AGPAT3: variants seen among roughly 807,000 people sequenced by gnomAD.
AGPAT3 encodes the protein 1-acyl-sn-glycerol-3-phosphate acyltransferase gamma.
In AGPAT3, 5 loss-of-function variants were observed where a neutral mutation model predicts 47.3. That is an observed-to-expected ratio of 0.11 (90% CI 0.06 to 0.22). The LOEUF is 0.22. AGPAT3 is among the 10% of genes least tolerant of loss of function. The pLI, the probability that AGPAT3 is intolerant of heterozygous loss-of-function variation, is 1.00. For missense variants in AGPAT3, 315 were observed against 493.0 expected, an observed-to-expected ratio of 0.64 and a Z score of 3.42; for synonymous variants, 212 against 208.3, an observed-to-expected ratio of 1.02 and a Z score of -0.15.
chr21:43,907,067 T>C lies in AGPAT3; in HGVS notation c.-49+3048T>C, dbSNP rs1352670165. Among the ~76,000 whole-genome samples, 2 of 149,758 alleles carry C rather than the reference T, an allele frequency of 1.3e-5. 1 individual carries two copies. Among genetic ancestry groups the C allele is most frequent in the Non-Finnish European group, 3.0e-5 (2 of 67,398 alleles). ...TTTTTTTTGAGAGGGGGTCTCTCTC[T>C]GTCTCCCAGGCTGGAGCTCAATGAC... On this transcript the variant is annotated intron_variant, in intron 2 of 9. Coordinates refer to ENST00000291572, the MANE Select transcript of AGPAT3 (RefSeq NM_020132.5).
At chr21:43,901,616 G>A (rs1198495218) in intron 1 of AGPAT3, among the ~76,000 whole-genome samples, 1 of 151,908 alleles carries the variant, frequency 6.6e-6, no homozygotes, top group Non-Finnish European at 1.5e-5. Flanking sequence ...GTACAGAAAA[G>A]TACAAAAATT....
At chr21:43,870,261 G>C (rs2085594981) in intron 1 of AGPAT3, among the ~76,000 whole-genome samples, 1 of 152,156 alleles carries the variant, frequency 6.6e-6, no homozygotes, top group Non-Finnish European at 1.5e-5. Flanking sequence ...GTTATTTTCA[G>C]TTTTCTAAAT....
chr21:43,890,359 A>G (rs991659087), intron 1 of AGPAT3, among the ~76,000 whole-genome samples: 3 of 152,172 alleles, frequency 2.0e-5, no homozygotes, highest in Non-Finnish European at 4.4e-5. Flanking sequence ...CATGCTTCTG[A>G]AACAGGGTGG....
chr21:43,894,936 CTT>C (rs2086181788), intron 1 of AGPAT3, among the ~76,000 whole-genome samples: 1 of 152,080 alleles, frequency 6.6e-6, no homozygotes, highest in Non-Finnish European at 1.5e-5. Flanking sequence ...TGATAAAACT[CTT>C]TTGATTTTAT....
intron 1 of AGPAT3, among the ~76,000 whole-genome samples, chr21:43,875,329 G>A (rs1484395953): frequency 1.3e-5 from 2 of 152,152 alleles, no homozygotes; most frequent in African/African-American, 4.8e-5. Flanking sequence ...TAATATAGTA[G>A]AGAGCAGCAA....
At chr21:43,962,037 G>T (rs2088894525) in intron 3 of AGPAT3, among the ~76,000 whole-genome samples, 1 of 145,662 alleles carries the variant, frequency 6.9e-6, no homozygotes, top group Non-Finnish European at 1.5e-5. Context: ...GTCTCGCTCT[G>T]TTGCCCAGGC....
chr21:43,880,515 C>G lies in AGPAT3; in HGVS notation c.-112+15170C>G, dbSNP rs2085834767. 6.6e-6 allele frequency among the ~76,000 whole-genome samples: 1 copy of G among 152,214 alleles called. No homozygotes were observed. Among genetic ancestry groups the G allele is most frequent in the Non-Finnish European group, 1.5e-5 (1 of 68,036 alleles). ...TTTGATCTTGAGTGCTGGTGGCTGT[C>G]CAGCTTTACTGGCAGGGATTCTGAT... On this transcript the variant is annotated intron_variant, in intron 1 of 9. Coordinates refer to ENST00000291572, the MANE Select transcript of AGPAT3 (RefSeq NM_020132.5). This position sits in a 1 kb window ranked among gnomAD's most constrained non-coding sequence, Gnocchi z 4.5.
chr21:43,896,557 C>A (rs1240562472), intron 1 of AGPAT3, among the ~76,000 whole-genome samples: 1 of 152,236 alleles, frequency 6.6e-6, no homozygotes, highest in Non-Finnish European at 1.5e-5. Flanking sequence ...TTTTGCTGGA[C>A]CGCAGTCACA....
chr21:43,959,337 G>GT, intron 2 of AGPAT3, among the ~76,000 whole-genome samples: 1 of 135,484 alleles, frequency 7.4e-6, no homozygotes, highest in East Asian at 2.3e-4. Flanking sequence ...GTGTGTGTGT[G>GT]GCGTGTGTGT....
At chr21:43,913,420 A>G (rs1419910688) in intron 2 of AGPAT3, among the ~76,000 whole-genome samples, 1 of 152,076 alleles carries the variant, frequency 6.6e-6, no homozygotes, top group Non-Finnish European at 1.5e-5. Context: ...CCCCGTCTCT[A>G]TAAAAAAATA....
intron 1 of AGPAT3, among the ~76,000 whole-genome samples, chr21:43,879,351 A>C (rs1227132058): frequency 1.7e-5 from 2 of 116,720 alleles, no homozygotes; most frequent in Non-Finnish European, 3.3e-5. Flanking sequence ...CTATCTCAAA[A>C]AAAAAAAAAA....
At chr21:43,918,101 G>GGGTGTTGTGTTA (rs1569063527) in intron 2 of AGPAT3, among the ~76,000 whole-genome samples, 3 of 120,358 alleles carry the variant, frequency 2.5e-5, no homozygotes, top group South Asian at 2.8e-4. Flanking sequence ...GTGTTGTGTT[G>GGGTGTTGTGTTA]TGGGTGTTGT....
At chr21:43,924,118 G>C (rs1050962698) in intron 2 of AGPAT3, among the ~76,000 whole-genome samples, 1 of 152,016 alleles carries the variant, frequency 6.6e-6, no homozygotes, top group Non-Finnish European at 1.5e-5. Flanking sequence ...CTGGGTTCAC[G>C]CCATTCTGTC....
chr21:43,901,441 A>AGT (rs1281556291), intron 1 of AGPAT3, among the ~76,000 whole-genome samples: 2 of 48,672 alleles, frequency 4.1e-5, no homozygotes, highest in Non-Finnish European at 3.6e-5. Flanking sequence ...CCACGTGTTC[A>AGT]ATCAGGGCAA....
chr21:43,870,062 A>G (rs1259381317), intron 1 of AGPAT3, among the ~76,000 whole-genome samples: 3 of 152,066 alleles, frequency 2.0e-5, no homozygotes, highest in African/African-American at 4.8e-5. Context: ...GACAATCCCA[A>G]CTGTGACTCA....
chr21:43,940,689 G>A (rs563813363), intron 2 of AGPAT3, among the ~76,000 whole-genome samples: 10 of 152,362 alleles, frequency 6.6e-5, no homozygotes, highest in South Asian at 2.1e-4. Context: ...GGCAGGTGCT[G>A]TAGGATGGCT....
intron 2 of AGPAT3, among the ~76,000 whole-genome samples, chr21:43,907,767 G>T (rs982501035): frequency 3.9e-5 from 6 of 152,186 alleles, no homozygotes; most frequent in African/African-American, 1.4e-4. Flanking sequence ...CTAAGAGCTT[G>T]CGTTTTCGGT....
chr21:43,973,998 T>C (rs891793841), intron 7 of AGPAT3, among the ~76,000 whole-genome samples: 4 of 152,220 alleles, frequency 2.6e-5, no homozygotes, highest in African/African-American at 9.7e-5. Flanking sequence ...TTAATTCTTA[T>C]GTTTATATGT....
chr21:43,933,453 C>A lies in AGPAT3; in HGVS notation c.-48-26181C>A, dbSNP rs1361545262. Among the ~76,000 whole-genome samples the A allele has an allele frequency of 1.3e-5, 2 of 152,118 alleles. No individual in the cohort carries two copies. The highest frequency in any genetic ancestry group is 2.9e-5 in the Non-Finnish European group (2 of 68,040). On this transcript the variant is annotated intron_variant, in intron 2 of 9. Coordinates refer to ENST00000291572, the MANE Select transcript of AGPAT3 (RefSeq NM_020132.5). This position sits in a 1 kb window ranked among gnomAD's most constrained non-coding sequence, Gnocchi z 6.0. ...TTTTTAAAGCTCTGCCATCTGTTTTCTCCATGGGGAAAGGTTTGGGAATAT... is the reference window on the plus strand; with the variant it reads ...TTTTTAAAGCTCTGCCATCTGTTTTATCCATGGGGAAAGGTTTGGGAATAT...
Sources: gnomAD v4.1 joint callset for allele counts (sites outside exome capture counted in the v4.1 genomes callset) on GRCh38, gnomAD v4.1.1 for gene constraint, Gnocchi (gnomAD v3.1) non-coding constraint, MANE v1.5 for transcripts, NCBI Gene and HGNC (gene_info 2026-07-23, HGNC 2026-07-21) for gene names.